Variants in GPS1 observed in about 807,000 individuals in gnomAD.
The protein encoded by GPS1 is COP9 signalosome complex subunit 1.
In GPS1, 11 loss-of-function variants were observed where a neutral mutation model predicts 60.0. The ratio of observed to expected loss-of-function variants is 0.18; its 90% CI spans 0.12 to 0.30. GPS1 has a LOEUF of 0.30. Among genes scored for constraint, GPS1 ranks in the 10% least tolerant of loss-of-function variants. The pLI, the probability that GPS1 is intolerant of heterozygous loss-of-function variation, is 1.00. For missense variants in GPS1, 543 were observed against 669.2 expected, an observed-to-expected ratio of 0.81 and a Z score of 2.08; for synonymous variants, 343 against 269.8, an observed-to-expected ratio of 1.27 and a Z score of -2.66.
intron 6 of GPS1, 52 bp downstream of exon 6, chr17:82,055,274 C>T (rs1433318450): frequency 3.3e-6 from 5 of 1,523,666 alleles, no homozygotes; most frequent in East Asian, 2.5e-5. Flanking sequence ...GTTGCTAAGT[C>T]CTCCCAGCCC....
intron 1 of GPS1, chr17:82,052,512 G>A: frequency 6.3e-7 from 1 of 1,579,262 alleles, no homozygotes; most frequent in Non-Finnish European, 8.6e-7. Context: ...CAGGGCCCCG[G>A]CCGCCCCTGC....
chr17:82,051,245 A>C, upstream of GPS1: 2 of 1,331,356 alleles, frequency 1.5e-6, no homozygotes, highest in South Asian at 4.8e-5. The surrounding 1 kb of genome is among the most constrained non-coding windows in gnomAD (Gnocchi z 4.1). Context: ...GGAGCGAGAA[A>C]GGCTCGGGGG....
At position 82,056,024 on chromosome 17, in the gene GPS1, C is replaced by G; in HGVS notation, c.858C>G (p.Ala286=). 6.2e-7 allele frequency: 1 copy of G among 1,612,512 alleles called. No homozygotes were observed. The highest frequency in any genetic ancestry group is 8.5e-7 in the Non-Finnish European group (1 of 1,179,656). ...AGCTGCTGTCCCCCAGCAACGTGGC[C>G]ATCTACGGTGGCCTGTGCGCCTTGG... is the stretch of plus-strand genomic sequence containing the variant. ...FPELLSPSNV[A]IYGGLCALAT... Residue 286 remains alanine (A), a synonymous_variant, in exon 8 of 13, where the codon GCC becomes GCG. Transcript: ENST00000578552.
chr17:82,053,859 T>C lies in GPS1; in HGVS notation c.127-9T>C. On this transcript the variant is annotated splice_polypyrimidine_tract_variant and intron_variant, in intron 2 of 12. Coordinates refer to ENST00000578552, the MANE Select transcript of GPS1 (RefSeq NM_001321092.3). ...ATCCTGCCTGACTCTTGTCTGTGCC[T>C]GCTCCCAGGATCTGGAACAGTACGC... 6.2e-7 allele frequency: 1 copy of C among 1,602,250 alleles called. No homozygotes were observed. Among genetic ancestry groups the C allele is most frequent in the South Asian group, 1.1e-5 (1 of 90,552 alleles).
chr17:82,055,945 C>A, intron 7 of GPS1, 56 bp from the exon 8 acceptor site: 1 of 1,459,822 alleles, frequency 6.9e-7, no homozygotes, highest in Non-Finnish European at 9.6e-7. Flanking sequence ...GGGTGATGGG[C>A]AGGCAGGGGT....
intron 1 of GPS1, 70 bp downstream of exon 1, chr17:82,052,034 G>T: frequency 1.8e-6 from 2 of 1,081,702 alleles, no homozygotes; most frequent in South Asian, 4.4e-5. Context: ...GGCTGAGGTC[G>T]AGCAGGGGCG....
intron 1 of GPS1, chr17:82,052,171 G>A: frequency 7.9e-7 from 1 of 1,264,392 alleles, no homozygotes; most frequent in African/African-American, 1.6e-5. Flanking sequence ...GGGGCCGCCG[G>A]GCCGCGCCCG....
intron 2 of GPS1, 129 bp downstream of exon 2, chr17:82,053,495 C>A: frequency 1.5e-6 from 1 of 664,968 alleles, no homozygotes; most frequent in Non-Finnish European, 2.3e-6. Flanking sequence ...TTTTTCTGAC[C>A]CCGAAACCAT....
intron 3 of GPS1, chr17:82,054,269 A>G (rs2031947345): frequency 1.4e-6 from 1 of 734,824 alleles, no homozygotes; most frequent in Non-Finnish European, 2.2e-6. Context: ...GAGCTGTTGG[A>G]GACTGTGGCT....
chr17:82,057,435 A>C lies in GPS1; in HGVS notation c.*308A>C. 1.7e-6 allele frequency: 1 copy of C among 579,082 alleles called. No homozygotes were observed. Among genetic ancestry groups the C allele is most frequent in the Non-Finnish European group, 3.3e-6 (1 of 304,052 alleles). 35.9% of individuals were successfully genotyped at this position (579,082 alleles called of 1,614,324 possible). A position where few individuals can be genotyped will look rare whatever the true frequency, so the allele number is the denominator to read the frequency against. On this transcript the variant is annotated 3_prime_UTR_variant, in exon 13 of 13. Transcript: ENST00000578552. ...TTCCCGCCTCAGTCAGGTGCAGACA[A>C]GTGGGCGGTGTCCATTAAAGAGCAG...
At chr17:82,056,233 C>T (rs2144629698) in intron 8 of GPS1, 53 bp from the exon 9 acceptor site, 1 of 1,428,244 alleles carries the variant, frequency 7.0e-7, no homozygotes, top group South Asian at 1.1e-5. Context: ...CCACTGGCCA[C>T]TTGGAGGGAG....
rs749863538 is a variant in GPS1 at position 82,053,883 on chromosome 17, G to A, written c.142G>A (p.Ala48Thr). 20 of 1,610,698 alleles carry A rather than the reference G, an allele frequency of 1.2e-5. 1 individual carries two copies. The East Asian group carries it at 2.0e-4, about 16-fold the overall frequency. Residue 48 changes from alanine to threonine, a missense_variant, in exon 3 of 13, where the codon GCG (alanine) becomes ACG (threonine). Ala to Thr is a moderately conservative substitution (Grantham distance 58, BLOSUM62 0). This residue lies in a region of GPS1 where 181 missense variants were observed against 188.8 expected (regional missense o/e 0.96). Transcript: ENST00000578552. ...ENPSLDLEQY[A>T]ASYSGLMRIE... Reference sequence around the variant, plus strand: ...CTGCTCCCAGGATCTGGAACAGTACGCGGCCAGCTACAGCGGCCTGATGCG... The same window carrying A: ...CTGCTCCCAGGATCTGGAACAGTACACGGCCAGCTACAGCGGCCTGATGCG...
rs1338360648 is a variant in GPS1, at chr17:82,057,426, G to A, written c.*299G>A. The A allele has an allele frequency of 6.7e-6, 4 of 597,918 alleles. No individual in the cohort carries two copies. Among genetic ancestry groups the A allele is most frequent in the Non-Finnish European group, 1.3e-5 (4 of 316,274 alleles). 37.0% of individuals were successfully genotyped at this position (597,918 alleles called of 1,614,324 possible). On this transcript the variant is annotated 3_prime_UTR_variant, in exon 13 of 13. Transcript: ENST00000578552. ...CCCCTCCTGTTCCCGCCTCAGTCAG[G>A]TGCAGACAAGTGGGCGGTGTCCATT...
chr17:82,057,462 C>T lies in GPS1; in HGVS notation c.*335C>T, dbSNP rs1432981403. 1 of 482,788 alleles carries T rather than the reference C, an allele frequency of 2.1e-6. No individual in the cohort carries two copies. Among genetic ancestry groups the T allele is most frequent in the Non-Finnish European group, 4.1e-6 (1 of 246,554 alleles). 29.9% of individuals were successfully genotyped at this position (482,788 alleles called of 1,614,324 possible). A position where few individuals can be genotyped will look rare whatever the true frequency, so the allele number is the denominator to read the frequency against. ...TGGGCGGTGTCCATTAAAGAGCAGA[C>T]TCAGCGTTGCTCTTGGCTGTTCTTT... On this transcript the variant is annotated 3_prime_UTR_variant, in exon 13 of 13. Transcript: ENST00000578552.
chr17:82,051,674 G>T, upstream of GPS1: 1 of 997,574 alleles, frequency 1.0e-6, no homozygotes, highest in African/African-American at 1.8e-5. The surrounding 1 kb of genome is among the most constrained non-coding windows in gnomAD (Gnocchi z 4.1). Context: ...GGGCGGGCGC[G>T]CGGGGCAGCG....
At position 82,055,836 on chromosome 17, in the gene GPS1, C is replaced by G; in HGVS notation, c.834+11C>G. On this transcript the variant is annotated intron_variant, in intron 7 of 12. Coordinates refer to ENST00000578552, the MANE Select transcript of GPS1 (RefSeq NM_001321092.3). ...TGTGACTTCCCTGAGGTGAGGAGCC[C>G]TCTGGGGACTTGGGAGGCAGAGCAT... The G allele has an allele frequency of 6.4e-7, 1 of 1,558,582 alleles. No individual in the cohort carries two copies. The highest frequency in any genetic ancestry group is 1.4e-5 in the African/African-American group (1 of 73,726).
chr17:82,055,923 C>T, intron 7 of GPS1, 78 bp from the exon 8 acceptor site: 1 of 1,433,128 alleles, frequency 7.0e-7, no homozygotes, highest in South Asian at 1.2e-5. Flanking sequence ...GGGTCTTAGG[C>T]ATTCTCCGAG....
intron 1 of GPS1, chr17:82,052,253 C>T: frequency 6.2e-7 from 1 of 1,607,246 alleles, no homozygotes; most frequent in Non-Finnish European, 8.5e-7. Flanking sequence ...TTTCTCCCTT[C>T]AGCAGCCAGC....
Position 82,055,777 on chromosome 17 carries a change from T to C in GPS1, c.786T>C (p.Ala262=). The C allele has an allele frequency of 6.4e-7, 1 of 1,563,700 alleles. No homozygotes were observed. The highest frequency in any genetic ancestry group is 8.7e-7 in the Non-Finnish European group (1 of 1,153,632). ...AELAARKYKQ[A]AKCLLLASFD... The stretch of plus-strand genomic sequence containing the variant: ...TGGCCGCCAGGAAGTACAAGCAGGC[T>C]GCCAAGTGCCTCCTGCTGGCTTCCT... The change falls in exon 7 of 13, where the codon GCT becomes GCC. Residue 262 remains alanine (A), a synonymous_variant. Transcript: ENST00000578552.
Sources: gnomAD v4.1 joint callset for allele counts on GRCh38, gnomAD v4.1.1 for gene constraint, gnomAD v4.1.1 regional missense constraint, Gnocchi (gnomAD v3.1) non-coding constraint, MANE v1.5 for transcripts, NCBI Gene and HGNC (gene_info 2026-07-23, HGNC 2026-07-21) for gene names.